Variants in PITRM1 observed in about 807,000 individuals in gnomAD.
PITRM1 encodes pitrilysin metallopeptidase 1.
A neutral mutation model predicts 129.9 loss-of-function variants in PITRM1; 100 were observed. That is an observed-to-expected ratio of 0.77 (90% CI 0.65 to 0.91). The LOEUF is 0.91. Ranked by LOEUF, PITRM1 falls within the 40% of genes least tolerant of loss-of-function variation. The pLI, the probability that PITRM1 is intolerant of heterozygous loss-of-function variation, is 0.00. For synonymous variants in PITRM1, 591 were observed against 508.8 expected, an observed-to-expected ratio of 1.16 and a Z score of -2.17; for missense variants, 1,471 against 1,318.3, an observed-to-expected ratio of 1.12 and a Z score of -1.79.
chr10:3,172,693 G>A, intron 1 of PITRM1, 24 bp downstream of exon 1: 1 of 1,531,502 alleles, frequency 6.5e-7, no homozygotes, highest in Admixed American at 2.0e-5. Flanking sequence ...AGCGCGCCGA[G>A]CGCCTCCCGT....
At chr10:3,145,404 A>C (rs1840749676) in intron 21 of PITRM1, 192 bp downstream of exon 21, 3 of 596,344 alleles carry the variant, frequency 5.0e-6, no homozygotes, top group Non-Finnish European at 8.9e-6. Context: ...GCAGGGTCTG[A>C]ACTCACTTAA....
At chr10:3,169,078 G>A (rs1843129204) in intron 2 of PITRM1, among the ~76,000 whole-genome samples, 1 of 152,286 alleles carries the variant, frequency 6.6e-6, no homozygotes, top group Admixed American at 6.5e-5. Context: ...TCCAGCCTGG[G>A]CGACAGGGTG....
chr10:3,143,400 TG>T lies in PITRM1; in HGVS notation c.2633del (p.Pro878GlnfsTer12). The T allele has an allele frequency of 1.2e-6, 2 of 1,607,792 alleles. No homozygotes were observed. The highest frequency in any genetic ancestry group is 1.7e-6 in the Non-Finnish European group (2 of 1,174,212). The part of the protein sequence containing the change: ...ECIRTVPYTD[P>X]DHASLKILAR... ...CTACACCCTCCTACCTGGCATGATC[TG>T]GGTCCGTGTAGGGGACAGTTCGGAT... On this transcript the variant is annotated frameshift_variant, in exon 23 of 27. Coordinates refer to ENST00000224949, the MANE Select transcript of PITRM1 (RefSeq NM_014889.4). LOFTEE classifies it high-confidence loss of function.
chr10:3,140,763 T>C lies in PITRM1; in HGVS notation c.2695A>G (p.Ile899Val), dbSNP rs1840107276. ...CCATAAGCACCGCCTTTTTCTCGAA[T>C]TTCTGTATGCAAGAATTTGGCAGTC... ...LMTAKFLHTE[I>V]REKGGAYGGG... Residue 899 changes from isoleucine (I) to valine (V), a missense_variant, in exon 24 of 27, where the codon ATT becomes GTT. Transcript: ENST00000224949. 4 of 1,594,786 alleles carry C rather than the reference T, an allele frequency of 2.5e-6. No homozygotes were observed. The highest frequency in any genetic ancestry group is 3.4e-6 in the Non-Finnish European group (4 of 1,169,614).
chr10:3,167,581 G>A (rs1842976501), intron 2 of PITRM1, among the ~76,000 whole-genome samples: 1 of 152,132 alleles, frequency 6.6e-6, no homozygotes, highest in Non-Finnish European at 1.5e-5. Flanking sequence ...TCTGCTGAGT[G>A]TCTCCTGCTT....
At chr10:3,171,252 A>T (rs1843330974) in intron 1 of PITRM1, among the ~76,000 whole-genome samples, 1 of 151,324 alleles carries the variant, frequency 6.6e-6, no homozygotes, top group Non-Finnish European at 1.5e-5. Flanking sequence ...GAAACAAAAG[A>T]TACACATGAT....
At chr10:3,172,560 C>A (rs1311832125) in intron 1 of PITRM1, among the ~76,000 whole-genome samples, 157 bp downstream of exon 1, 2 of 152,140 alleles carry the variant, frequency 1.3e-5, no homozygotes, top group Non-Finnish European at 2.9e-5. Flanking sequence ...GCCTCGGATG[C>A]GGGAGCTCCA....
chr10:3,158,769 C>T lies in PITRM1; in HGVS notation c.1136+145G>A, dbSNP rs182454269. 287 of 721,690 alleles carry T rather than the reference C, an allele frequency of 4.0e-4. 1 individual carries two copies. The Admixed American group carries it at 7.9e-3, about 20-fold the overall frequency. The allele number at this position is 721,690 out of a possible 1,614,324, so 44.7% of individuals were successfully genotyped here. On this transcript the variant is annotated intron_variant, in intron 10 of 26. Transcript: ENST00000224949. The stretch of plus-strand genomic sequence containing the variant: ...ATGAGACACTCAGCAACTTCCTGGT[C>T]CGCCATCTTCCGATTATAGCAATCA...
chr10:3,148,286 C>T lies in PITRM1; in HGVS notation c.1877G>A (p.Gly626Asp). Residue 626 changes from glycine (G) to aspartate (D), a missense_variant, in exon 17 of 27, where the codon GGC becomes GAC. Gly to Asp is a moderately conservative substitution (Grantham distance 94, BLOSUM62 -1). Transcript: ENST00000224949. ...CTCCCGGTAGTCAAGAAGGCCGCAGCCCAGCCTGACACAGCAGAGAAGCAT... is the reference window on the plus strand; with the variant it reads ...CTCCCGGTAGTCAAGAAGGCCGCAGTCCAGCCTGACACAGCAGAGAAGCAT... Reference protein sequence around the residue: ...PLFCSVLTKLGCGLLDYREQA... With the variant: ...PLFCSVLTKLDCGLLDYREQA... 10 of 1,609,218 alleles carry T rather than the reference C, an allele frequency of 6.2e-6. No homozygotes were observed. Among genetic ancestry groups the T allele is most frequent in the Non-Finnish European group, 7.6e-6 (9 of 1,177,462 alleles).
Position 3,152,626 on chromosome 10 carries a change from G to A in PITRM1, c.1622-1263C>T, listed in dbSNP as rs112828916. On this transcript the variant is annotated intron_variant, in intron 14 of 26. Transcript: ENST00000224949. Reference sequence around the variant, plus strand: ...AGCATGTGGAGCCCAGGCTCCCAATGGCACGGAGCTCAGACCTGGGCTCTG... The same window carrying A: ...AGCATGTGGAGCCCAGGCTCCCAATAGCACGGAGCTCAGACCTGGGCTCTG... Among the ~76,000 whole-genome samples the A allele has an allele frequency of 4.8e-3, 729 of 152,360 alleles. 6 individuals carry two copies. Among genetic ancestry groups the A allele is most frequent in the African/African-American group, 0.017 (688 of 41,590 alleles).
Position 3,166,375 on chromosome 10 carries a change from T to TGCACGCTAGGAAAGAGAGAGGAATG in PITRM1, c.271_272insCATTCCTCTCTCTTTCCTAGCGTGC (p.Gln91ProfsTer7). The stretch of plus-strand genomic sequence containing the variant: ...ACTGTCCATGGGAGTAGTACGGAAC[T>TGCACGCTAGGAAAGAGAGAGGAATG]GCACGCTAGGGAAGGAGAATGACCA... On this transcript the variant is annotated stop_gained and frameshift_variant, in exon 4 of 27. Coordinates refer to ENST00000224949, the MANE Select transcript of PITRM1 (RefSeq NM_014889.4). LOFTEE classifies it high-confidence loss of function. 4.2e-6 allele frequency: 6 copies of TGCACGCTAGGAAAGAGAGAGGAATG among 1,413,946 alleles called. No homozygotes were observed. The highest frequency in any genetic ancestry group is 6.0e-6 in the Non-Finnish European group (6 of 1,008,360). 87.6% of individuals were successfully genotyped at this position (1,413,946 alleles called of 1,614,324 possible). A position where few individuals can be genotyped will look rare whatever the true frequency, so the allele number is the denominator to read the frequency against.
intron 20 of PITRM1, chr10:3,146,012 C>A: frequency 2.9e-6 from 1 of 342,660 alleles, no homozygotes; most frequent in East Asian, 6.6e-5. Flanking sequence ...CTATTAAGAT[C>A]TGCTAACCGT....
At chr10:3,145,357 A>G (rs1052734256) in intron 21 of PITRM1, 2 of 495,428 alleles carry the variant, frequency 4.0e-6, no homozygotes, top group Non-Finnish European at 7.1e-6. Flanking sequence ...TACTCACTGC[A>G]AGGCACAGAA....
chr10:3,143,664 G>A, intron 22 of PITRM1, 163 bp from the exon 23 acceptor site: 1 of 713,866 alleles, frequency 1.4e-6, no homozygotes, highest in Non-Finnish European at 2.6e-6. Context: ...ACACTCTGCA[G>A]CCAGGTGCTG....
chr10:3,165,464 G>T lies in PITRM1; in HGVS notation c.482C>A (p.Ser161Ter). Reference protein sequence around the residue: ...QNPKDFQNLLSVYLDATFFPC... With the variant: ...QNPKDFQNLL ...GAAAAAGGTGGCATCCAAATACACCGAGAGGAGATTCTGAAAGTCCTTGGG... is the reference window on the plus strand; with the variant it reads ...GAAAAAGGTGGCATCCAAATACACCTAGAGGAGATTCTGAAAGTCCTTGGG... The change falls in exon 5 of 27, where the codon TCG becomes TAG. Residue 161 changes from serine to a stop codon, truncating the protein, a stop_gained. Coordinates refer to ENST00000224949, the MANE Select transcript of PITRM1 (RefSeq NM_014889.4). LOFTEE classifies it high-confidence loss of function. 1 of 1,613,566 alleles carries T rather than the reference G, an allele frequency of 6.2e-7. No individual in the cohort carries two copies. Among genetic ancestry groups the T allele is most frequent in the South Asian group, 1.1e-5 (1 of 90,942 alleles).
intron 14 of PITRM1, among the ~76,000 whole-genome samples, chr10:3,154,328 C>T (rs115922628): frequency 0.018 from 2,812 of 152,238 alleles, 97 homozygotes; most frequent in African/African-American, 0.065. Flanking sequence ...ACGTTAGGAG[C>T]GGGGCTTTCC....
chr10:3,151,217 A>G lies in PITRM1; in HGVS notation c.1738+30T>C, dbSNP rs769373440. The G allele has an allele frequency of 5.0e-6, 6 of 1,195,188 alleles. No individual in the cohort carries two copies. In the African/African-American group the frequency reaches 9.0e-5, roughly 18 times the overall value. The allele number at this position is 1,195,188 out of a possible 1,614,324, so 74.0% of individuals were successfully genotyped here. A position where few individuals can be genotyped will look rare whatever the true frequency, so the allele number is the denominator to read the frequency against. The stretch of plus-strand genomic sequence containing the variant: ...ATTTAATTCCCCCAAGGAACCCGAG[A>G]CCCGGGAAAAGCGTAGCGTTCACAG... On this transcript the variant is annotated intron_variant, in intron 15 of 26. Coordinates refer to ENST00000224949, the MANE Select transcript of PITRM1 (RefSeq NM_014889.4).
Position 3,151,277 on chromosome 10 carries a change from G to T in PITRM1, c.1708C>A (p.Pro570Thr). ...AGGACCACGTCCAACTCTGTGACAG[G>T]TATGGTGGGTTCAATATCGGAAACT... ...LKVSDIEPTI[P>T]VTELDVVLTA... The change falls in exon 15 of 27, where the codon CCT (proline) becomes ACT (threonine). Residue 570 changes from proline (P) to threonine (T), a missense_variant. Physicochemically the swap from Pro to Thr is conservative, Grantham distance 38 (BLOSUM62 -1). Coordinates refer to ENST00000224949, the MANE Select transcript of PITRM1 (RefSeq NM_014889.4). The T allele has an allele frequency of 6.2e-7, 1 of 1,607,492 alleles. No individual in the cohort carries two copies. The highest frequency in any genetic ancestry group is 8.5e-7 in the Non-Finnish European group (1 of 1,176,328).
rs781048947 is a variant in PITRM1 at position 3,138,307 on chromosome 10, T to C, written c.2948A>G (p.Asp983Gly). Reference protein sequence around the residue: ...GMDHFLYGLSDEMKQAHREQL... With the variant: ...GMDHFLYGLSGEMKQAHREQL... ...CTCTCTGTGGGCCTGCTTCATCTCATCCGAGAGGCCGTACAAGAAGTGGTC... is the reference window on the plus strand; with the variant it reads ...CTCTCTGTGGGCCTGCTTCATCTCACCCGAGAGGCCGTACAAGAAGTGGTC... The change falls in exon 26 of 27, where the codon GAT becomes GGT. Residue 983 changes from aspartate to glycine, a missense_variant. Asp to Gly is a moderately conservative substitution (Grantham distance 94). Coordinates refer to ENST00000224949, the MANE Select transcript of PITRM1 (RefSeq NM_014889.4). 18 of 1,613,684 alleles carry C rather than the reference T, an allele frequency of 1.1e-5. No individual in the cohort carries two copies. In the South Asian group the frequency reaches 1.2e-4, roughly 11 times the overall value.
Sources: allele counts gnomAD v4.1 joint callset (sites outside exome capture counted in the v4.1 genomes callset), GRCh38; gene constraint gnomAD v4.1.1; transcripts MANE v1.5; gene names NCBI Gene and HGNC (gene_info 2026-07-23, HGNC 2026-07-21).